Variants in SRCAP observed in about 807,000 individuals in gnomAD.
SRCAP encodes the protein Snf2 related CREBBP activator protein.
A neutral mutation model predicts 263.1 loss-of-function variants in SRCAP; 46 were observed. The observed-to-expected ratio is 0.17, with a 90% CI of 0.14 to 0.22. The LOEUF (loss-of-function observed/expected upper bound fraction) is 0.22, where lower values mean the gene tolerates loss of function less well. SRCAP is among the 10% of genes least tolerant of loss of function. The pLI, the probability that SRCAP is intolerant of heterozygous loss-of-function variation, is 1.00. For synonymous variants in SRCAP, 1,813 were observed against 1,662.1 expected, an observed-to-expected ratio of 1.09 and a Z score of -2.21; for missense variants, 3,695 against 4,181.9, an observed-to-expected ratio of 0.88 and a Z score of 3.21.
At chr16:30,704,712 G>T (rs1386385268) in intron 4 of SRCAP, among the ~76,000 whole-genome samples, 2 of 152,062 alleles carry the variant, frequency 1.3e-5, no homozygotes, top group Non-Finnish European at 2.9e-5. Flanking sequence ...AGTCGCACAT[G>T]CCTGTAGCAG....
In SRCAP at chr16:30,740,546, C is replaced by A. The variant is rs1302479388; in HGVS notation, c.*813C>A. On this transcript the variant is annotated 3_prime_UTR_variant, in exon 34 of 34. Coordinates refer to ENST00000262518, the MANE Select transcript of SRCAP (RefSeq NM_006662.3). ...ATCTAGCCAAACTGGTTTGAGTCAG[C>A]CACACCCCTTCCCAGCTCCCTGGGC... The A allele has an allele frequency of 6.6e-6, 1 of 152,232 alleles. No individual in the cohort carries two copies. Among genetic ancestry groups the A allele is most frequent in the Non-Finnish European group, 1.5e-5 (1 of 68,090 alleles). 9.4% of individuals were successfully genotyped at this position (152,232 alleles called of 1,614,324 possible).
In SRCAP at chr16:30,739,656, C is replaced by A; in HGVS notation, c.9616C>A (p.Arg3206Ser). The A allele has an allele frequency of 1.3e-6, 2 of 1,584,232 alleles. No individual in the cohort carries two copies. The highest frequency in any genetic ancestry group is 1.7e-6 in the Non-Finnish European group (2 of 1,166,478). The change falls in exon 34 of 34, where the codon CGC (arginine) becomes AGC (serine). Residue 3206 changes from arginine (R) to serine (S), a missense_variant. Arg to Ser is a moderately radical substitution (Grantham distance 110, BLOSUM62 -1). This residue lies in a region of SRCAP where 1,207 missense variants were observed against 1,142.9 expected (regional missense o/e 1.06). Coordinates refer to ENST00000262518, the MANE Select transcript of SRCAP (RefSeq NM_006662.3). ...LVGTTNQGDQRILRSSAPPSL... is the reference protein window; with the variant it reads ...LVGTTNQGDQSILRSSAPPSL... ...TGGGACCACCAACCAAGGGGACCAG[C>A]GCATCCTGCGCAGCAGCGCCCCTCC...
intron 25 of SRCAP, among the ~76,000 whole-genome samples, chr16:30,727,964 G>C (rs184498795): frequency 2.7e-4 from 41 of 152,324 alleles, no homozygotes; most frequent in African/African-American, 8.9e-4. Flanking sequence ...TTATAGGCTT[G>C]AGCCACTGCT....
At chr16:30,707,011 C>T (rs1311334913) in intron 4 of SRCAP, among the ~76,000 whole-genome samples, 172 bp from the exon 5 acceptor site, 1 of 152,100 alleles carries the variant, frequency 6.6e-6, no homozygotes, top group African/African-American at 2.4e-5. Flanking sequence ...CTTCATCTCC[C>T]TGATCTTTTT....
At chr16:30,718,189 T>G (rs1029196231) in intron 18 of SRCAP, among the ~76,000 whole-genome samples, 3 of 150,024 alleles carry the variant, frequency 2.0e-5, no homozygotes, top group Non-Finnish European at 4.5e-5. Context: ...TTTTTTTGGG[T>G]GGGGGGGGCA....
rs2052800795 is a variant in SRCAP at position 30,704,184 on chromosome 16, G to A, written c.175G>A (p.Gly59Arg). The A allele has an allele frequency of 1.2e-6, 2 of 1,614,190 alleles. No homozygotes were observed. Among genetic ancestry groups the A allele is most frequent in the African/African-American group, 2.7e-5 (2 of 75,052 alleles). Reference sequence around the variant, plus strand: ...CATAGCTCAAGATTCCTCACTGGATGGACCTCCAGGCCCCCCAGATGGTGC... The same window carrying A: ...CATAGCTCAAGATTCCTCACTGGATAGACCTCCAGGCCCCCCAGATGGTGC... The part of the protein sequence containing the change: ...QHIAQDSSLD[G>R]PPGPPDGATV... The change falls in exon 4 of 34, where the codon GGA becomes AGA. Residue 59 changes from glycine (G) to arginine (R), a missense_variant. Coordinates refer to ENST00000262518, the MANE Select transcript of SRCAP (RefSeq NM_006662.3).
Position 30,721,211 on chromosome 16 carries a change from C to A in SRCAP, c.3276C>A (p.Val1092=). The change falls in exon 21 of 34, where the codon GTC becomes GTA. Residue 1092 remains valine, a synonymous_variant. Transcript: ENST00000262518. The stretch of plus-strand genomic sequence containing the variant: ...CAGTGTTGCCATCCCCCCTGGGGGT[C>A]CTGAGTGGGACCTCACGGCCTCCCA... The part of the protein sequence containing the change: ...LPQVLPSPLG[V]LSGTSRPPTP... 6.2e-7 allele frequency: 1 copy of A among 1,611,910 alleles called. No individual in the cohort carries two copies. Among genetic ancestry groups the A allele is most frequent in the Non-Finnish European group, 8.5e-7 (1 of 1,178,780 alleles).
rs1036664500 is a variant in SRCAP at position 30,707,168 on chromosome 16, G to T, written c.307-15G>T. 6.2e-7 allele frequency: 1 copy of T among 1,613,488 alleles called. No homozygotes were observed. Among genetic ancestry groups the T allele is most frequent in the Non-Finnish European group, 8.5e-7 (1 of 1,179,736 alleles). On this transcript the variant is annotated splice_polypyrimidine_tract_variant and intron_variant, in intron 4 of 33. Transcript: ENST00000262518. ...GTGTTTAGAACTGTTGATTGATCTG[G>T]CTCTCCCTGATTAGGAGGCCGAGAT...
chr16:30,734,050 T>C (rs929642092), intron 30 of SRCAP, 42 bp downstream of exon 30: 7 of 1,516,464 alleles, frequency 4.6e-6, no homozygotes, highest in Non-Finnish European at 6.3e-6. Flanking sequence ...AGAAAACTGC[T>C]GCGCCTTCAG....
Position 30,721,332 on chromosome 16 carries a change from G to C in SRCAP, c.3397G>C (p.Val1133Leu). ...CTCTAGCCTGTTGAAGCCCCTGACA[G>C]TGCCACCAGGCTACACCTTCCCTCC... is the stretch of plus-strand genomic sequence containing the variant. Reference protein sequence around the residue: ...GSSSLLKPLTVPPGYTFPPAA... With the variant: ...GSSSLLKPLTLPPGYTFPPAA... Residue 1133 changes from valine (V) to leucine (L), a missense_variant, in exon 21 of 34, where the codon GTG becomes CTG. Physicochemically the swap from Val to Leu is conservative, Grantham distance 32. This residue lies in a region of SRCAP where 1,347 missense variants were observed against 1,304.4 expected (regional missense o/e 1.03). Coordinates refer to ENST00000262518, the MANE Select transcript of SRCAP (RefSeq NM_006662.3). 1 of 1,614,166 alleles carries C rather than the reference G, an allele frequency of 6.2e-7. No homozygotes were observed. The highest frequency in any genetic ancestry group is 8.5e-7 in the Non-Finnish European group (1 of 1,180,042).
At position 30,725,052 on chromosome 16, in the gene SRCAP, C is replaced by A. The variant is rs1478401650; in HGVS notation, c.5628C>A (p.Pro1876=). 1.2e-6 allele frequency: 2 copies of A among 1,612,526 alleles called. No individual in the cohort carries two copies. The highest frequency in any genetic ancestry group is 1.7e-6 in the Non-Finnish European group (2 of 1,178,978). The change falls in exon 25 of 34, where the codon CCC becomes CCA. Residue 1876 remains proline (P), a synonymous_variant. Transcript: ENST00000262518. The part of the protein sequence containing the change: ...SFGGPRPRRQ[P]PPPPRSPFYL... ...GTGGCCCCCGGCCTCGACGCCAGCC[C>A]CCCCCACCACCTCGTTCCCCTTTTT...
chr16:30,729,253 TG>T (rs1479650337), intron 26 of SRCAP, 22 bp downstream of exon 26: 1 of 1,599,664 alleles, frequency 6.3e-7, no homozygotes, highest in South Asian at 1.1e-5. Flanking sequence ...TAAGTGCTAA[TG>T]GGGAGTGGGT....
At chr16:30,705,609 C>T (rs1225188962) in intron 4 of SRCAP, among the ~76,000 whole-genome samples, 1 of 151,528 alleles carries the variant, frequency 6.6e-6, no homozygotes, top group Non-Finnish European at 1.5e-5. Context: ...ACCATGTTGG[C>T]GGGATGGTCT....
At chr16:30,708,530 A>AT (rs1436356345) in intron 6 of SRCAP, among the ~76,000 whole-genome samples, 1 of 150,326 alleles carries the variant, frequency 6.7e-6, no homozygotes, top group African/African-American at 2.5e-5. Flanking sequence ...AGTAGCTGGG[A>AT]TTACAGGCAT....
At chr16:30,731,730 C>T (rs2053116565) in intron 27 of SRCAP, among the ~76,000 whole-genome samples, 1 of 151,920 alleles carries the variant, frequency 6.6e-6, no homozygotes, top group South Asian at 2.1e-4. Context: ...TATAGTGGTG[C>T]ACACCTATAG....
chr16:30,723,597 A>T lies in SRCAP; in HGVS notation c.4173A>T (p.Gly1391=). 6.2e-7 allele frequency: 1 copy of T among 1,612,860 alleles called. No individual in the cohort carries two copies. The highest frequency in any genetic ancestry group is 8.5e-7 in the Non-Finnish European group (1 of 1,179,380). Residue 1391 remains glycine, a synonymous_variant, in exon 25 of 34, where the codon GGA becomes GGT. Transcript: ENST00000262518. ...CTCTCTCCACAGCTTCAGCCCCCGG[A>T]GCTGCCCCCTTGACCATCTCTTCTC... The part of the protein sequence containing the change: ...PSPEVSASAP[G]AAPLTISSPL...
chr16:30,725,335 T>C lies in SRCAP; in HGVS notation c.5658+253T>C, dbSNP rs891477957. ...CACGCCCGGCCTCTTTTCCCGTTTT[T>C]TAACCCGCACGGTAATAAATGGGCA... On this transcript the variant is annotated intron_variant, in intron 25 of 33. Transcript: ENST00000262518. The C allele has an allele frequency of 5.2e-6, 3 of 577,300 alleles. No individual in the cohort carries two copies. In the African/African-American group the frequency reaches 5.7e-5, roughly 11 times the overall value. 35.8% of individuals were successfully genotyped at this position (577,300 alleles called of 1,614,324 possible).
At chr16:30,702,855 C>G (rs80140089) in intron 3 of SRCAP, among the ~76,000 whole-genome samples, 1 of 151,380 alleles carries the variant, frequency 6.6e-6, no homozygotes, top group South Asian at 2.1e-4. Context: ...CCGCCCGCCT[C>G]GGCCTCCCAA....
chr16:30,723,202 G>T lies in SRCAP; in HGVS notation c.4132G>T (p.Val1378Phe). 1 of 1,613,026 alleles carries T rather than the reference G, an allele frequency of 6.2e-7. No homozygotes were observed. Among genetic ancestry groups the T allele is most frequent in the South Asian group, 1.1e-5 (1 of 90,956 alleles). ...PTLVRPLLKL[V>F]HSPSPEVSAS... ...TCTGGTGAGGCCTCTTCTCAAGCTG[G>T]TCCACAGTCCTTCACCTGAAGTCAG... The change falls in exon 24 of 34, where the codon GTC becomes TTC. Residue 1378 changes from valine to phenylalanine, a missense_variant. Coordinates refer to ENST00000262518, the MANE Select transcript of SRCAP (RefSeq NM_006662.3).
Sources: allele counts gnomAD v4.1 joint callset (sites outside exome capture counted in the v4.1 genomes callset), GRCh38; gene constraint gnomAD v4.1.1; regional missense constraint gnomAD v4.1.1; transcripts MANE v1.5; gene names NCBI Gene and HGNC (gene_info 2026-07-23, HGNC 2026-07-21).